The following CIC variants were observed in gnomAD, a reference collection of about 807,000 sequenced individuals.
CIC encodes the protein protein capicua homolog.
Under a neutral mutation model 115.7 loss-of-function variants are expected in CIC, and 18 were observed. The observed-to-expected ratio is 0.16, with a 90% CI of 0.11 to 0.23. The LOEUF (loss-of-function observed/expected upper bound fraction) is 0.23. CIC is among the 10% of genes least tolerant of loss of function. The pLI is 1.00. For missense variants in CIC, 2,000 were observed against 2,159.3 expected (o/e 0.93, Z 1.46); for synonymous variants, 1,076 against 923.0 (o/e 1.17, Z -3.01).
At position 42,294,207 on chromosome 19, in the gene CIC, C is replaced by G. The variant is rs202227845; in HGVS notation, c.6957C>G (p.Pro2319=). Residue 2319 remains proline (P), a synonymous_variant, in exon 19 of 21, where the codon CCC becomes CCG. Coordinates refer to ENST00000681038, the MANE Select transcript of CIC (RefSeq NM_001386298.1). ...LDSAPEDPTS[P]KRKMRRRSSC... is the part of the protein sequence containing the mutation. The stretch of plus-strand genomic sequence containing the variant: ...CAGCACCCGAGGACCCCACCTCGCC[C>G]AAGCGCAAGATGAGAAGACGCTCCA... 3.1e-6 allele frequency: 5 copies of G among 1,613,854 alleles called. No homozygotes were observed. The African/African-American group carries it at 5.3e-5, about 17-fold the overall frequency.
In CIC at chr19:42,286,898, A is replaced by G; in HGVS notation, c.2922A>G (p.Pro974=). 7 of 1,611,796 alleles carry G rather than the reference A, an allele frequency of 4.3e-6. No homozygotes were observed. Among genetic ancestry groups the G allele is most frequent in the Non-Finnish European group, 5.9e-6 (7 of 1,179,604 alleles). The change falls in exon 3 of 21, where the codon CCA becomes CCG. Residue 974 remains proline, a synonymous_variant. Transcript: ENST00000681038. ...PSEAQQPASH[P]VASNQSKEPA... ...AGGCCCAGCAACCTGCCAGCCACCCAGTGGCCTCCAACCAGAGCAAAGGTG... is the reference window on the plus strand; with the variant it reads ...AGGCCCAGCAACCTGCCAGCCACCCGGTGGCCTCCAACCAGAGCAAAGGTG...
intron 19 of CIC, 28 bp downstream of exon 19, chr19:42,294,332 C>T (rs753652538): frequency 6.2e-7 from 1 of 1,610,608 alleles, no homozygotes. Context: ...ACTTTGGGGG[C>T]CTGGGGACCT....
chr19:42,291,549 A>G lies in CIC; in HGVS notation c.5426-9A>G. The G allele has an allele frequency of 6.2e-7, 1 of 1,612,984 alleles. No homozygotes were observed. Among genetic ancestry groups the G allele is most frequent in the Non-Finnish European group, 8.5e-7 (1 of 1,179,962 alleles). On this transcript the variant is annotated splice_polypyrimidine_tract_variant and intron_variant, in intron 11 of 20. Coordinates refer to ENST00000681038, the MANE Select transcript of CIC (RefSeq NM_001386298.1). ...GTAACCTTTTCCTTTCTTGCCTCTT[A>G]ACTTCCAGCCCAGTCAGTTTCTCCC...
chr19:42,271,573 G>A lies in CIC; in HGVS notation c.-10-201G>A, dbSNP rs570965381. 2.0e-5 allele frequency among the ~76,000 whole-genome samples: 3 copies of A among 152,224 alleles called. No homozygotes were observed. The South Asian group carries it at 6.2e-4, about 31-fold the overall frequency. On this transcript the variant is annotated intron_variant, in intron 1 of 20. Coordinates refer to ENST00000681038, the MANE Select transcript of CIC (RefSeq NM_001386298.1). ...TGTCTGTTCCCCAAGGAGCCAGAGT[G>A]TGTATACTCAGGGGACTCAGGTGCT...
chr19:42,289,943 G>A lies in CIC; in HGVS notation c.4183G>A (p.Gly1395Ser). 1 of 1,603,822 alleles carries A rather than the reference G, an allele frequency of 6.2e-7. No homozygotes were observed. The highest frequency in any genetic ancestry group is 8.5e-7 in the Non-Finnish European group (1 of 1,175,070). The change falls in exon 10 of 21, where the codon GGC becomes AGC. Residue 1395 changes from glycine (G) to serine (S), a missense_variant. Around this residue, in one of 8 missense-constraint regions of CIC, gnomAD observed 1,466 missense variants for 1,390.4 expected, o/e 1.05. Transcript: ENST00000681038. Reference sequence around the variant, plus strand: ...GGACAGCTCTGGGGAGGACCCAGAGGGCAACAAGGTGAGGGCTTGGGTCAC... The same window carrying A: ...GGACAGCTCTGGGGAGGACCCAGAGAGCAACAAGGTGAGGGCTTGGGTCAC... ...SGDSSGEDPEGNKGFGRKVFS... is the reference protein window; with the variant it reads ...SGDSSGEDPESNKGFGRKVFS...
Position 42,294,584 on chromosome 19 carries a change from G to A in CIC, c.7055-20G>A, listed in dbSNP as rs1440228359. 1 of 1,612,692 alleles carries A rather than the reference G, an allele frequency of 6.2e-7. No homozygotes were observed. Among genetic ancestry groups the A allele is most frequent in the Non-Finnish European group, 8.5e-7 (1 of 1,179,886 alleles). ...CCTGCCGCTGCTGCAGCCTTGCCAT[G>A]CTGCCTGTGCCCTGCACAGGTACAG... is the stretch of plus-strand genomic sequence containing the variant. On this transcript the variant is annotated intron_variant, in intron 19 of 20. Coordinates refer to ENST00000681038, the MANE Select transcript of CIC (RefSeq NM_001386298.1).
At chr19:42,269,920 C>G (rs945683191) in intron 1 of CIC, among the ~76,000 whole-genome samples, 1 of 151,888 alleles carries the variant, frequency 6.6e-6, no homozygotes, top group African/African-American at 2.4e-5. Flanking sequence ...GCCTGGGCTC[C>G]GGGAGTTACT....
chr19:42,281,081 C>T (rs1446965199), intron 2 of CIC, among the ~76,000 whole-genome samples: 1 of 151,620 alleles, frequency 6.6e-6, no homozygotes, highest in Non-Finnish European at 1.5e-5. Flanking sequence ...GCCGCGCCAG[C>T]CCAATCCTGG....
At chr19:42,283,968 C>T (rs1031852724) in intron 2 of CIC, 2 of 149,398 alleles carry the variant, frequency 1.3e-5, no homozygotes, top group African/African-American at 4.9e-5. Flanking sequence ...TGGGCTCACG[C>T]GCGGGGGGCC....
chr19:42,292,687 C>CCCTGCACCCACT lies in CIC; in HGVS notation c.6035_6036insTCCTGCACCCAC (p.Pro2009_Thr2012dup), dbSNP rs1279840812. 6 of 1,613,882 alleles carry CCCTGCACCCACT rather than the reference C, an allele frequency of 3.7e-6. No homozygotes were observed. Among genetic ancestry groups the CCCTGCACCCACT allele is most frequent in the Non-Finnish European group, 5.1e-6 (6 of 1,179,984 alleles). ...TCATAACAGCATTTTACTCTGGCAG[C>CCCTGCACCCACT]CCTGCACCCACCTCCTCAGCACCCC... is the stretch of plus-strand genomic sequence containing the variant. On this transcript the variant is annotated inframe_insertion, in exon 15 of 21. Transcript: ENST00000681038.
At chr19:42,289,491 A>C in intron 9 of CIC, 85 bp downstream of exon 9, 1 of 1,413,828 alleles carries the variant, frequency 7.1e-7, no homozygotes, top group Non-Finnish European at 9.8e-7. Context: ...CCAGGCCCCT[A>C]GGCCCCTTTG....
intron 2 of CIC, among the ~76,000 whole-genome samples, chr19:42,282,462 C>G (rs1335663135): frequency 1.3e-5 from 2 of 152,224 alleles, no homozygotes; most frequent in Non-Finnish European, 2.9e-5. Context: ...CTCCAGGGCC[C>G]CTCTTGGGTG....
At position 42,290,746 on chromosome 19, in the gene CIC, C is replaced by A; in HGVS notation, c.4705C>A (p.Pro1569Thr). 1 of 1,612,412 alleles carries A rather than the reference C, an allele frequency of 6.2e-7. No individual in the cohort carries two copies. Among genetic ancestry groups the A allele is most frequent in the South Asian group, 1.1e-5 (1 of 91,046 alleles). ...CGCCCCATCACTGGCCTATGGGGCC[C>A]CAGCAGCTCCCCTGTCCCGTCCTGC... ...APAPSLAYGA[P>T]AAPLSRPAAT... Residue 1569 changes from proline (P) to threonine (T), a missense_variant, in exon 11 of 21, where the codon CCA (proline) becomes ACA (threonine). Physicochemically the swap from Pro to Thr is conservative, Grantham distance 38. Around this residue, in one of 8 missense-constraint regions of CIC, gnomAD observed 1,466 missense variants for 1,390.4 expected, o/e 1.05. Coordinates refer to ENST00000681038, the MANE Select transcript of CIC (RefSeq NM_001386298.1).
In CIC at chr19:42,292,936, A is replaced by C. The variant is rs372215479; in HGVS notation, c.6197-20A>C. 3.7e-6 allele frequency: 6 copies of C among 1,613,836 alleles called. No individual in the cohort carries two copies. The East Asian group carries it at 1.1e-4, about 30-fold the overall frequency. The stretch of plus-strand genomic sequence containing the variant: ...GGCTCCAGTCAGGCCTGGCTCAGCA[A>C]ACAATTTTCTCCCCACTAGCAGGTT... On this transcript the variant is annotated intron_variant, in intron 15 of 20. Coordinates refer to ENST00000681038, the MANE Select transcript of CIC (RefSeq NM_001386298.1).
chr19:42,287,953 G>T lies in CIC; in HGVS notation c.3636G>T (p.Thr1212=). The change falls in exon 7 of 21, where the codon ACG becomes ACT. Residue 1212 remains threonine, a synonymous_variant. Transcript: ENST00000681038. This position sits in a 1 kb window ranked among gnomAD's most constrained non-coding sequence, Gnocchi z 8.7. ...CGCGGGAGCGGAGCATGTCGGAGAC[G>T]GGCACTGCTGCTGCCCCTGGGGGTT... ...KETRERSMSE[T]GTAAAPGVSS... The T allele has an allele frequency of 6.3e-7, 1 of 1,599,096 alleles. No individual in the cohort carries two copies. Among genetic ancestry groups the T allele is most frequent in the Non-Finnish European group, 8.5e-7 (1 of 1,173,546 alleles).
rs200939503 is a variant in CIC, at chr19:42,294,117, C to T, written c.6922+28C>T. ...AGGCGAGCATTGGGCACCCAGGGTC[C>T]TTAGGTGGAGGGCAGACTGGGGCCA... On this transcript the variant is annotated intron_variant, in intron 18 of 20. Transcript: ENST00000681038. The T allele has an allele frequency of 1.1e-4, 175 of 1,613,792 alleles. No homozygotes were observed. In the African/African-American group the frequency reaches 1.9e-3, roughly 17 times the overall value.
rs1044899707 is a variant in CIC, at chr19:42,271,916, G to A, written c.133G>A (p.Asp45Asn). 32 of 398,948 alleles carry A rather than the reference G, an allele frequency of 8.0e-5. No individual in the cohort carries two copies. Among genetic ancestry groups the A allele is most frequent in the Non-Finnish European group, 1.2e-4 (27 of 226,398 alleles). 24.7% of individuals were successfully genotyped at this position (398,948 alleles called of 1,614,324 possible). ...GEGDKPEEED[D>N]EAQQPQPQSG... ...GGGTGACAAGCCAGAGGAGGAGGAT[G>A]ACGAGGCACAGCAGCCGCAACCACA... The change falls in exon 2 of 21, where the codon GAC becomes AAC. Residue 45 changes from aspartate (D) to asparagine (N), a missense_variant. Around this residue, in one of 8 missense-constraint regions of CIC, gnomAD observed 222 missense variants for 247.7 expected, o/e 0.90. Coordinates refer to ENST00000681038, the MANE Select transcript of CIC (RefSeq NM_001386298.1).
In CIC at chr19:42,290,495, C is replaced by T. The variant is rs761218687; in HGVS notation, c.4454C>T (p.Pro1485Leu). The T allele has an allele frequency of 1.2e-5, 19 of 1,613,676 alleles. No individual in the cohort carries two copies. Among genetic ancestry groups the T allele is most frequent in the Non-Finnish European group, 1.5e-5 (18 of 1,179,908 alleles). The change falls in exon 11 of 21, where the codon CCT becomes CTT. Residue 1485 changes from proline (P) to leucine (L), a missense_variant. Pro to Leu is a moderately conservative substitution (Grantham distance 98, BLOSUM62 -3). Transcript: ENST00000681038. The part of the protein sequence containing the change: ...STAGPLRPPP[P>L]GAGGPATPSK... ...GCGGGCCCCCTACGGCCCCCACCCC[C>T]TGGGGCTGGGGGTCCAGCGACACCT...
At chr19:42,290,097 A>G in intron 10 of CIC, 136 bp from the exon 11 acceptor site, 1 of 1,441,000 alleles carries the variant, frequency 6.9e-7, no homozygotes, top group Non-Finnish European at 9.7e-7. Context: ...CATAGTCAGG[A>G]TGAATTGAGG....
Sources: allele counts gnomAD v4.1 joint callset (sites outside exome capture counted in the v4.1 genomes callset), GRCh38; gene constraint gnomAD v4.1.1; regional missense constraint gnomAD v4.1.1; non-coding constraint Gnocchi (gnomAD v3.1); transcripts MANE v1.5; gene names NCBI Gene and HGNC (gene_info 2026-07-23, HGNC 2026-07-21).